The following DENND1A variants were observed in gnomAD, a reference collection of about 807,000 sequenced individuals.
DENND1A encodes DENN domain containing 1A.
In DENND1A, 51 loss-of-function variants were observed where a neutral mutation model predicts 113.7. That is an observed-to-expected ratio of 0.45 (90% CI 0.36 to 0.57). The LOEUF (loss-of-function observed/expected upper bound fraction) is 0.57, where lower values mean the gene tolerates loss of function less well. Among genes scored for constraint, DENND1A ranks in the 20% least tolerant of loss-of-function variants. The pLI, the probability that DENND1A is intolerant of heterozygous loss-of-function variation, is 0.00. For synonymous variants in DENND1A, 565 were observed against 570.8 expected, an observed-to-expected ratio of 0.99 and a Z score of 0.14; for missense variants, 1,258 against 1,395.9, an observed-to-expected ratio of 0.90 and a Z score of 1.57.
At chr9:123,437,897 T>C (rs1187213364) in intron 19 of DENND1A, 1 of 152,194 alleles carries the variant, frequency 6.6e-6, no homozygotes, top group Non-Finnish European at 1.5e-5. Context: ...AGGTGATTCA[T>C]AGATGAACAC....
intron 8 of DENND1A, among the ~76,000 whole-genome samples, chr9:123,662,739 AAAGGT>A (rs1208682293): frequency 6.6e-6 from 1 of 152,216 alleles, no homozygotes; most frequent in Non-Finnish European, 1.5e-5. Context: ...ATAAGAAAGG[AAAGGT>A]AATCTACTAA....
chr9:123,869,740 C>G (rs1026950408), intron 2 of DENND1A, among the ~76,000 whole-genome samples: 1 of 152,106 alleles, frequency 6.6e-6, no homozygotes, highest in Non-Finnish European at 1.5e-5. Context: ...GTGGCTCATG[C>G]CTATAATCCC....
chr9:123,388,330 A>G (rs2042671502), intron 21 of DENND1A, among the ~76,000 whole-genome samples: 2 of 152,202 alleles, frequency 1.3e-5, no homozygotes, highest in Admixed American at 1.3e-4. Context: ...AAATTCATAG[A>G]AAAAAGACTG....
At chr9:123,514,065 GGT>G (rs775882728) in intron 13 of DENND1A, among the ~76,000 whole-genome samples, 97 of 109,296 alleles carry the variant, frequency 8.9e-4, no homozygotes, top group African/African-American at 2.5e-3. Flanking sequence ...TCTATTTTGA[GGT>G]GTGTGTGTGT....
intron 5 of DENND1A, among the ~76,000 whole-genome samples, chr9:123,690,000 G>A (rs573615565): frequency 6.8e-6 from 1 of 146,586 alleles, no homozygotes; most frequent in Non-Finnish European, 1.5e-5. Flanking sequence ...AAAAAGAAAA[G>A]GGAAAGGGAA....
At chr9:123,440,913 T>C (rs541520033) in intron 18 of DENND1A, among the ~76,000 whole-genome samples, 66 of 152,230 alleles carry the variant, frequency 4.3e-4, no homozygotes, top group Non-Finnish European at 8.5e-4. Flanking sequence ...ACAAAAATAA[T>C]TTTACTGAAT....
intron 10 of DENND1A, among the ~76,000 whole-genome samples, chr9:123,618,482 C>T (rs531380602): frequency 3.3e-5 from 5 of 152,160 alleles, no homozygotes; most frequent in East Asian, 1.9e-4. Flanking sequence ...GGGCCAGCAA[C>T]GTTGCATGGA....
intron 19 of DENND1A, among the ~76,000 whole-genome samples, chr9:123,431,880 G>A (rs1029186665): frequency 2.0e-5 from 3 of 152,190 alleles, no homozygotes; most frequent in Non-Finnish European, 4.4e-5. Context: ...GTCCTAGAAG[G>A]AGGGATGGTC....
intron 5 of DENND1A, among the ~76,000 whole-genome samples, chr9:123,709,647 A>G (rs941315438): frequency 3.9e-5 from 6 of 152,090 alleles, no homozygotes; most frequent in African/African-American, 1.2e-4. Flanking sequence ...TGGCCCACCT[A>G]TACACCCTAA....
At chr9:123,659,081 A>G (rs1379860079) in intron 8 of DENND1A, among the ~76,000 whole-genome samples, 3 of 152,208 alleles carry the variant, frequency 2.0e-5, no homozygotes, top group African/African-American at 7.2e-5. Flanking sequence ...TCATAACATA[A>G]CAAACAGTGC....
chr9:123,865,339 A>G (rs1845659940), intron 2 of DENND1A, among the ~76,000 whole-genome samples: 1 of 152,254 alleles, frequency 6.6e-6, no homozygotes, highest in African/African-American at 2.4e-5. Context: ...AAATTAGGTC[A>G]GCTTGTTCCA....
At chr9:123,892,246 A>T (rs947918180) in intron 1 of DENND1A, among the ~76,000 whole-genome samples, 5 of 152,226 alleles carry the variant, frequency 3.3e-5, no homozygotes, top group African/African-American at 4.8e-5. Flanking sequence ...CCCCAGCCGA[A>T]GTGGAAAACT....
chr9:123,580,707 C>T (rs1259135607), intron 12 of DENND1A, among the ~76,000 whole-genome samples: 1 of 152,258 alleles, frequency 6.6e-6, no homozygotes, highest in Non-Finnish European at 1.5e-5. Context: ...ATGGGAGCCT[C>T]AGATTCCTTG....
At chr9:123,486,630 G>A (rs916223634) in intron 13 of DENND1A, among the ~76,000 whole-genome samples, 4 of 152,218 alleles carry the variant, frequency 2.6e-5, no homozygotes, top group Non-Finnish European at 5.9e-5. Context: ...CAGCCAGCAA[G>A]CCTTGAGCAT....
At chr9:123,466,850 C>T (rs1324774946) in intron 13 of DENND1A, among the ~76,000 whole-genome samples, 1 of 148,838 alleles carries the variant, frequency 6.7e-6, no homozygotes, top group Non-Finnish European at 1.5e-5. Flanking sequence ...GCCTGGGCAA[C>T]ACAGAGAGAC....
At chr9:123,907,078 C>A (rs1214980642) in intron 1 of DENND1A, among the ~76,000 whole-genome samples, 5 of 151,034 alleles carry the variant, frequency 3.3e-5, no homozygotes, top group Non-Finnish European at 7.4e-5. Flanking sequence ...AAATATAATC[C>A]AGCATATAAA....
intron 13 of DENND1A, among the ~76,000 whole-genome samples, chr9:123,516,884 C>CAAAAAAAAAAAAAAAAAAAAAAAAA (rs546001517): frequency 8.6e-5 from 8 of 93,384 alleles, no homozygotes; most frequent in Middle Eastern, 5.0e-3. Flanking sequence ...GACTCTGTCT[C>CAAAAAAAAAAAAAAAAAAAAAAAAA]AAAAAAAAAA....
intron 16 of DENND1A, 139 bp downstream of exon 16, chr9:123,454,600 A>G (rs2047974679): frequency 2.3e-6 from 2 of 861,288 alleles, no homozygotes; most frequent in African/African-American, 1.7e-5. Context: ...GCATGAGAAG[A>G]GCCTGGCTTT....
intron 2 of DENND1A, among the ~76,000 whole-genome samples, chr9:123,812,296 G>T (rs1159458716): frequency 2.0e-5 from 3 of 152,100 alleles, no homozygotes; most frequent in Admixed American, 6.5e-5. Flanking sequence ...GCTTCAAGCA[G>T]ATTGGATCCA....
Sources: allele counts gnomAD v4.1 joint callset (sites outside exome capture counted in the v4.1 genomes callset), GRCh38; gene constraint gnomAD v4.1.1; transcripts MANE v1.5; gene names NCBI Gene and HGNC (gene_info 2026-07-23, HGNC 2026-07-21).